The following SCN3A variants were observed in gnomAD, a reference collection of about 807,000 sequenced individuals.
SCN3A encodes the protein sodium channel protein type 3 subunit alpha.
A neutral mutation model predicts 187.6 loss-of-function variants in SCN3A; 60 were observed. The ratio of observed to expected loss-of-function variants is 0.32; its 90% confidence interval spans 0.26 to 0.40. SCN3A has a LOEUF of 0.40. SCN3A is among the 10% of genes least tolerant of loss of function. SCN3A has a pLI of 1.00. For synonymous variants in SCN3A, 788 were observed against 829.2 expected (o/e 0.95, Z 0.85); for missense variants, 1,601 against 2,428.2 (o/e 0.66, Z 7.16).
chr2:165,096,822 G>A (rs1685384327), intron 23 of SCN3A, among the ~76,000 whole-genome samples: 1 of 151,968 alleles, frequency 6.6e-6, no homozygotes, highest in Admixed American at 6.6e-5. Flanking sequence ...TAAGCTCTAT[G>A]ATTTGCATTT....
intron 12 of SCN3A, among the ~76,000 whole-genome samples, chr2:165,146,433 TAC>T (rs5836019): frequency 3.4e-5 from 5 of 147,254 alleles, no homozygotes; most frequent in Non-Finnish European, 7.5e-5. Flanking sequence ...GACACATATA[TAC>T]ACACATATAT....
intron 18 of SCN3A, among the ~76,000 whole-genome samples, chr2:165,121,474 ATGT>A (rs771324270): frequency 6.6e-6 from 1 of 152,212 alleles, no homozygotes; most frequent in African/African-American, 2.4e-5. Context: ...ATGACTAATA[ATGT>A]TGTTTTATTC....
chr2:165,097,121 T>C, intron 23 of SCN3A, 131 bp downstream of exon 23: 2 of 843,170 alleles, frequency 2.4e-6, no homozygotes, highest in Non-Finnish European at 3.7e-6. Flanking sequence ...TTCAAGCTGA[T>C]ATTATAGGTG....
chr2:165,142,234 T>G (rs1017135714), intron 12 of SCN3A, among the ~76,000 whole-genome samples: 3 of 152,216 alleles, frequency 2.0e-5, no homozygotes, highest in African/African-American at 4.8e-5. Context: ...AGCTTTAGTG[T>G]AAAACCAAAT....
At chr2:165,162,215 A>T in intron 9 of SCN3A, 93 bp downstream of exon 9, 1 of 1,142,894 alleles carries the variant, frequency 8.7e-7, no homozygotes, top group Non-Finnish European at 1.3e-6. Context: ...CATACATGGT[A>T]AGGCTACACA....
chr2:165,132,761 A>G lies in SCN3A; in HGVS notation c.2392-1344T>C, dbSNP rs181237213. Among the ~76,000 whole-genome samples, 1,002 of 152,350 alleles carry G rather than the reference A, an allele frequency of 6.6e-3. 18 individuals are homozygous for G. Among genetic ancestry groups the G allele is most frequent in the African/African-American group, 0.022 (906 of 41,580 alleles). Reference sequence around the variant, plus strand: ...CTAAAACACCAAAAGCAATGGCGACAAAAGCCAAAATTGACAAATGGGATC... The same window carrying G: ...CTAAAACACCAAAAGCAATGGCGACGAAAGCCAAAATTGACAAATGGGATC... On this transcript the variant is annotated intron_variant, in intron 15 of 27. Transcript: ENST00000283254.
chr2:165,163,782 T>G, intron 6 of SCN3A, 73 bp from the exon 7 acceptor site: 1 of 1,613,456 alleles, frequency 6.2e-7, no homozygotes, highest in Non-Finnish European at 8.5e-7. Flanking sequence ...GCCTACTACC[T>G]TACACCAGTT....
chr2:165,126,660 C>T (rs1574155753), intron 18 of SCN3A, among the ~76,000 whole-genome samples: 1 of 136,818 alleles, frequency 7.3e-6, no homozygotes, highest in Admixed American at 7.6e-5. Context: ...CTCCCTTCCT[C>T]CCTCCCTCCC....
Position 165,090,338 on chromosome 2 carries a change from G to A in SCN3A, c.5815C>T (p.Pro1939Ser), listed in dbSNP as rs1370342206. 6.2e-7 allele frequency: 1 copy of A among 1,613,098 alleles called. No individual in the cohort carries two copies. Reference sequence around the variant, plus strand: ...TCAATAATCATGTCTTGTTTTATAGGTAAGTCAATCCTCCCTTTAATTGCC... The same window carrying A: ...TCAATAATCATGTCTTGTTTTATAGATAAGTCAATCCTCCCTTTAATTGCC... ...KEAIKGRIDLPIKQDMIIDKL... is the reference protein window; with the variant it reads ...KEAIKGRIDLSIKQDMIIDKL... Residue 1939 changes from proline (P) to serine (S), a missense_variant, in exon 28 of 28, where the codon CCT becomes TCT. Physicochemically the swap from Pro to Ser is moderately conservative, Grantham distance 74. Around this residue, in one of 11 missense-constraint regions of SCN3A, gnomAD observed 87 missense variants for 89.2 expected, o/e 0.98. Transcript: ENST00000283254. The surrounding 1 kb of genome is among the most constrained non-coding windows in gnomAD (Gnocchi z 4.0).
intron 3 of SCN3A, among the ~76,000 whole-genome samples, chr2:165,174,438 C>T (rs1690320855): frequency 6.6e-6 from 1 of 152,146 alleles, no homozygotes; most frequent in South Asian, 2.1e-4. Flanking sequence ...AATGAGGTGG[C>T]CTGGCCATTG....
chr2:165,143,203 C>T (rs367710058), intron 12 of SCN3A, among the ~76,000 whole-genome samples: 1 of 152,208 alleles, frequency 6.6e-6, no homozygotes, highest in East Asian at 1.9e-4. Flanking sequence ...CCAGGTGACC[C>T]TAACACAGGG....
intron 1 of SCN3A, chr2:165,195,440 A>T (rs912158233): frequency 6.6e-6 from 1 of 152,200 alleles, no homozygotes; most frequent in Admixed American, 6.5e-5. Flanking sequence ...TTTTTTTAGA[A>T]CAATTTTAGG....
At chr2:165,096,015 A>G (rs1270712214) in intron 24 of SCN3A, among the ~76,000 whole-genome samples, 1 of 152,200 alleles carries the variant, frequency 6.6e-6, no homozygotes, top group African/African-American at 2.4e-5. Context: ...CAGAACATCA[A>G]CTTCTAAGAG....
Position 165,186,569 on chromosome 2 carries a change from C to T in SCN3A, c.-69G>A, listed in dbSNP as rs1691255704. On this transcript the variant is annotated 5_prime_UTR_variant, in exon 2 of 28. Transcript: ENST00000283254. ...TAGTTACCTTAGATAGTCACAGCAC[C>T]TTTTTCCGGAAAAGCTCCAGGTCCC... 1 of 152,088 alleles carries T rather than the reference C, an allele frequency of 6.6e-6. No homozygotes were observed. The highest frequency in any genetic ancestry group is 6.5e-5 in the Admixed American group (1 of 15,280). 9.4% of individuals were successfully genotyped at this position (152,088 alleles called of 1,614,324 possible).
intron 15 of SCN3A, among the ~76,000 whole-genome samples, chr2:165,137,060 G>A (rs1436753945): frequency 3.3e-5 from 5 of 152,110 alleles, no homozygotes; most frequent in South Asian, 2.1e-4. Flanking sequence ...CAGTGTAGAG[G>A]TTGTAGGATG....
At chr2:165,186,303 CA>C (rs151304895) in intron 2 of SCN3A, among the ~76,000 whole-genome samples, 7 of 147,828 alleles carry the variant, frequency 4.7e-5, no homozygotes, top group Middle Eastern at 3.4e-3. Context: ...AAAACAAAAA[CA>C]AAAAAAAAAC....
At chr2:165,183,103 A>G (rs1690994102) in intron 2 of SCN3A, among the ~76,000 whole-genome samples, 1 of 152,222 alleles carries the variant, frequency 6.6e-6, no homozygotes. Flanking sequence ...ACAACTACCA[A>G]TTTTTAAGTA....
At chr2:165,171,143 T>C (rs1690078652) in intron 3 of SCN3A, among the ~76,000 whole-genome samples, 1 of 152,050 alleles carries the variant, frequency 6.6e-6, no homozygotes, top group African/African-American at 2.4e-5. Flanking sequence ...ATTAAAATTC[T>C]ATGATCTGAA....
intron 1 of SCN3A, among the ~76,000 whole-genome samples, chr2:165,202,687 C>T (rs1330849328): frequency 6.6e-6 from 1 of 151,952 alleles, no homozygotes; most frequent in Non-Finnish European, 1.5e-5. Context: ...ATTTTTGAAG[C>T]CCTTTTAGCC....
Sources: gnomAD v4.1 joint callset for allele counts (sites outside exome capture counted in the v4.1 genomes callset) on GRCh38, gnomAD v4.1.1 for gene constraint, gnomAD v4.1.1 regional missense constraint, Gnocchi (gnomAD v3.1) non-coding constraint, MANE v1.5 for transcripts, NCBI Gene and HGNC (gene_info 2026-07-23, HGNC 2026-07-21) for gene names.